The following CR1 variants were observed in gnomAD, a reference collection of about 807,000 sequenced individuals.
CR1 encodes complement C3b/C4b receptor 1 (Knops blood group).
Under a neutral mutation model 187.3 loss-of-function variants are expected in CR1, and 116 were observed. The ratio of observed to expected loss-of-function variants is 0.62; its 90% CI spans 0.53 to 0.72. The LOEUF (loss-of-function observed/expected upper bound fraction) is 0.72, where lower values mean the gene tolerates loss of function less well. Ranked by LOEUF, CR1 falls within the 30% of genes least tolerant of loss-of-function variation. The probability of loss-of-function intolerance (pLI) is 0.00; values close to 1 mark genes in which losing one functional copy is unlikely to be tolerated. For missense variants in CR1, 1,731 were observed against 2,110.7 expected, an observed-to-expected ratio of 0.82 and a Z score of 3.52; for synonymous variants, 576 against 747.1, an observed-to-expected ratio of 0.77 and a Z score of 3.73.
At chr1:207,627,046 T>A (rs941946985) in intron 45 of CR1, among the ~76,000 whole-genome samples, 22 of 151,684 alleles carry the variant, frequency 1.5e-4, no homozygotes, top group African/African-American at 4.6e-4. Context: ...CTGAAAAACA[T>A]AAATAAATAA....
chr1:207,616,876 C>T (rs1662116229), intron 41 of CR1, 74 bp downstream of exon 41: 1 of 1,550,380 alleles, frequency 6.5e-7, no homozygotes, highest in African/African-American at 1.4e-5. Flanking sequence ...TCTATAGTGA[C>T]AGTCATTTTT....
At chr1:207,619,001 G>A (rs1326544586) in intron 42 of CR1, among the ~76,000 whole-genome samples, 2 of 135,322 alleles carry the variant, frequency 1.5e-5, no homozygotes, top group Non-Finnish European at 3.0e-5. Context: ...TCACGCCACT[G>A]CACTCCAGCC....
At chr1:207,611,527 G>A in intron 37 of CR1, 150 bp from the exon 38 acceptor site, 2 of 1,137,646 alleles carry the variant, frequency 1.8e-6, no homozygotes, top group Middle Eastern at 2.0e-4. Flanking sequence ...TAGCTTCCTT[G>A]TTAGTGAGAT....
chr1:207,636,506 GC>G (rs1662818066), intron 46 of CR1, among the ~76,000 whole-genome samples: 1 of 152,128 alleles, frequency 6.6e-6, no homozygotes, highest in South Asian at 2.1e-4. Flanking sequence ...AAGTTCATAA[GC>G]CTGTCTCCCA....
rs529124058 is a variant in CR1, at chr1:207,609,188, T to C, written c.5897-102T>C. Reference sequence around the variant, plus strand: ...AGAAAATAACAGTATTGTAATTCCATTTAGAAAATCATTGGATTATTTGCA... The same window carrying C: ...AGAAAATAACAGTATTGTAATTCCACTTAGAAAATCATTGGATTATTTGCA... On this transcript the variant is annotated intron_variant, in intron 36 of 46. Transcript: ENST00000367049. 9 of 1,161,606 alleles carry C rather than the reference T, an allele frequency of 7.7e-6. No individual in the cohort carries two copies. In the Admixed American group the frequency reaches 1.9e-4, roughly 24 times the overall value. 72.0% of individuals were successfully genotyped at this position (1,161,606 alleles called of 1,614,324 possible).
At chr1:207,601,021 T>G (rs1368397098) in intron 35 of CR1, among the ~76,000 whole-genome samples, 2 of 152,112 alleles carry the variant, frequency 1.3e-5, no homozygotes, top group Non-Finnish European at 2.9e-5. Flanking sequence ...AACAAAACAT[T>G]TCTTAACAAT....
intron 2 of CR1, among the ~76,000 whole-genome samples, 170 bp downstream of exon 2, chr1:207,506,253 G>C (rs1227354470): frequency 6.6e-6 from 1 of 152,132 alleles, no homozygotes; most frequent in African/African-American, 2.4e-5. Flanking sequence ...TGAGTTCCTG[G>C]CGCCTTCATT....
intron 27 of CR1, among the ~76,000 whole-genome samples, chr1:207,575,141 T>C (rs1393680910): frequency 1.3e-5 from 2 of 151,192 alleles, no homozygotes; most frequent in Non-Finnish European, 2.9e-5. Flanking sequence ...TTAGACAAGA[T>C]CAAAAGCAAC....
intron 38 of CR1, 27 bp from the exon 39 acceptor site, chr1:207,611,912 C>G: frequency 6.2e-7 from 1 of 1,613,958 alleles, no homozygotes; most frequent in Non-Finnish European, 8.5e-7. Flanking sequence ...GGAGGACTTA[C>G]TCCTGTTGTT....
chr1:207,573,744 CATAT>C (rs763608479), intron 27 of CR1, among the ~76,000 whole-genome samples: 4 of 151,462 alleles, frequency 2.6e-5, no homozygotes, highest in African/African-American at 7.3e-5. Flanking sequence ...TGATCTATAT[CATAT>C]ATATATATCA....
chr1:207,639,714 T>A lies in CR1; in HGVS notation c.*305T>A, dbSNP rs749377531. The A allele has an allele frequency of 4.0e-6, 1 of 250,328 alleles. No individual in the cohort carries two copies. Among genetic ancestry groups the A allele is most frequent in the Non-Finnish European group, 7.6e-6 (1 of 131,924 alleles). The allele number at this position is 250,328 out of a possible 1,614,324, so 15.5% of individuals were successfully genotyped here. A position where few individuals can be genotyped will look rare whatever the true frequency, so the allele number is the denominator to read the frequency against. On this transcript the variant is annotated 3_prime_UTR_variant, in exon 47 of 47. Coordinates refer to ENST00000367049, the MANE Select transcript of CR1 (RefSeq NM_000651.6). ...TTGGATTACTTAAAGGAATAAGGTG[T>A]TGCCTGGAATTTCTGGTTTGTAAGG...
At chr1:207,578,327 G>A (rs1231412889) in intron 29 of CR1, 124 bp downstream of exon 29, 5 of 1,557,566 alleles carry the variant, frequency 3.2e-6, no homozygotes, top group Non-Finnish European at 4.3e-6. Flanking sequence ...AGTTTTGGGG[G>A]AAGAAGCATG....
chr1:207,577,967 G>A lies in CR1; in HGVS notation c.4700G>A (p.Ser1567Asn), dbSNP rs1660811100. 1.2e-5 allele frequency: 20 copies of A among 1,611,906 alleles called. No homozygotes were observed. The highest frequency in any genetic ancestry group is 1.7e-5 in the Non-Finnish European group (20 of 1,179,718). ...GGTGAGCCCTCCATATACTGCACCAGCAATGACGATCAAGTGGGCATCTGG... is the reference window on the plus strand; with the variant it reads ...GGTGAGCCCTCCATATACTGCACCAACAATGACGATCAAGTGGGCATCTGG... ...LVGEPSIYCT[S>N]NDDQVGIWSG... is the part of the protein sequence containing the mutation. The change falls in exon 29 of 47, where the codon AGC becomes AAC. Residue 1567 changes from serine to asparagine, a missense_variant. Coordinates refer to ENST00000367049, the MANE Select transcript of CR1 (RefSeq NM_000651.6).
At chr1:207,599,307 T>C (rs1374723352) in intron 35 of CR1, among the ~76,000 whole-genome samples, 8 of 152,196 alleles carry the variant, frequency 5.3e-5, no homozygotes, top group Non-Finnish European at 1.2e-4. Flanking sequence ...CAACAATATG[T>C]CATGTTTTCA....
At chr1:207,521,807 A>T (rs1474620437) in intron 4 of CR1, among the ~76,000 whole-genome samples, 1 of 132,866 alleles carries the variant, frequency 7.5e-6, no homozygotes, top group African/African-American at 2.8e-5. Context: ...ACATCTGGAT[A>T]ATATATATAT....
At chr1:207,496,991 C>T (rs1659108670) in intron 1 of CR1, among the ~76,000 whole-genome samples, 1 of 152,120 alleles carries the variant, frequency 6.6e-6, no homozygotes, top group Non-Finnish European at 1.5e-5. Flanking sequence ...ACAAGCAGTC[C>T]TAGGGATGCA....
intron 33 of CR1, among the ~76,000 whole-genome samples, chr1:207,586,124 T>TTGTG (rs3219612): frequency 0.4 from 59,998 of 150,000 alleles, 13,396 homozygotes; most frequent in South Asian, 0.67. Flanking sequence ...TTGTTTTGTT[T>TTGTG]TGTGTGTGTG....
chr1:207,501,149 G>A (rs1659254656), intron 1 of CR1, among the ~76,000 whole-genome samples: 3 of 152,196 alleles, frequency 2.0e-5, no homozygotes, highest in Non-Finnish European at 2.9e-5. Context: ...GGATATAAAC[G>A]AAGTGATTCG....
At chr1:207,498,886 A>AAAAAAAAG (rs1659176433) in intron 1 of CR1, among the ~76,000 whole-genome samples, 1 of 149,310 alleles carries the variant, frequency 6.7e-6, no homozygotes, top group African/African-American at 2.4e-5. Flanking sequence ...TCAAAAAAAA[A>AAAAAAAAG]AAAAAAAGAA....
Sources: allele counts gnomAD v4.1 joint callset (sites outside exome capture counted in the v4.1 genomes callset), GRCh38; gene constraint gnomAD v4.1.1; transcripts MANE v1.5; gene names NCBI Gene and HGNC (gene_info 2026-07-23, HGNC 2026-07-21).